The following RSPH9 variants were observed in gnomAD, a reference collection of about 807,000 sequenced individuals.
RSPH9 encodes radial spoke head component 9, also known as radial spoke head protein 9 homolog.
A neutral mutation model predicts 27.0 loss-of-function variants in RSPH9; 27 were observed. The observed-to-expected ratio is 1.00, with a 90% CI of 0.74 to 1.38. The LOEUF (loss-of-function observed/expected upper bound fraction) is 1.38, where lower values mean the gene tolerates loss of function less well. Among genes scored for constraint, RSPH9 ranks in the 40% most tolerant of loss-of-function variants. The pLI is 0.00. For synonymous variants in RSPH9, 145 were observed against 147.7 expected, an observed-to-expected ratio of 0.98 and a Z score of 0.13; for missense variants, 347 against 357.4, an observed-to-expected ratio of 0.97 and a Z score of 0.24.
intron 4 of RSPH9, among the ~76,000 whole-genome samples, chr6:43,659,182 T>C (rs1186651761): frequency 2.0e-5 from 3 of 152,120 alleles, no homozygotes; most frequent in Non-Finnish European, 4.4e-5. Context: ...TCTAGTTCTT[T>C]TTCTTCTTCC....
At chr6:43,662,256 G>C (rs1179590330) in intron 4 of RSPH9, among the ~76,000 whole-genome samples, 1 of 152,196 alleles carries the variant, frequency 6.6e-6, no homozygotes, top group East Asian at 1.9e-4. Flanking sequence ...ATTGAAGAGA[G>C]TTAAGGCCTT....
Position 43,671,794 on chromosome 6 carries a change from A to G in RSPH9, c.*845A>G. 1 of 1,614,234 alleles carries G rather than the reference A, an allele frequency of 6.2e-7. No individual in the cohort carries two copies. Among genetic ancestry groups the G allele is most frequent in the Non-Finnish European group, 8.5e-7 (1 of 1,180,036 alleles). On this transcript the variant is annotated 3_prime_UTR_variant, in exon 5 of 5. Transcript: ENST00000372163. Reference sequence around the variant, plus strand: ...TACAGCTTCCAAGGTGTTCTTGAGTAGCAGACATTGTCCCTCAGAAGGGGT... The same window carrying G: ...TACAGCTTCCAAGGTGTTCTTGAGTGGCAGACATTGTCCCTCAGAAGGGGT...
In RSPH9 at chr6:43,670,833, C is replaced by A; in HGVS notation, c.715C>A (p.Leu239Met). 6.2e-7 allele frequency: 1 copy of A among 1,614,210 alleles called. No homozygotes were observed. Among genetic ancestry groups the A allele is most frequent in the Middle Eastern group, 1.6e-4 (1 of 6,062 alleles). The change falls in exon 5 of 5, where the codon CTG (leucine) becomes ATG (methionine). Residue 239 changes from leucine to methionine, a missense_variant. By Grantham distance (15) the Leu-to-Met change is conservative. Coordinates refer to ENST00000372163, the MANE Select transcript of RSPH9 (RefSeq NM_152732.5). ...QMERGNALVV[L>M]RSLLWPGLTF... Reference sequence around the variant, plus strand: ...GGAGAGGGGCAATGCCCTGGTGGTGCTGCGCAGCCTGCTCTGGCCGGGCCT... The same window carrying A: ...GGAGAGGGGCAATGCCCTGGTGGTGATGCGCAGCCTGCTCTGGCCGGGCCT...
chr6:43,666,561 A>T, intron 4 of RSPH9: 1 of 1,293,870 alleles, frequency 7.7e-7, no homozygotes, highest in Non-Finnish European at 1.1e-6. Context: ...GGCCAAAGTG[A>T]CAAGAGACAC....
chr6:43,652,991 G>A lies in RSPH9; in HGVS notation c.393+2451G>A, dbSNP rs370795136. Among the ~76,000 whole-genome samples the A allele has an allele frequency of 8.0e-5, 12 of 150,752 alleles. No individual in the cohort carries two copies. The South Asian group carries it at 2.5e-3, about 32-fold the overall frequency. The stretch of plus-strand genomic sequence containing the variant: ...ATACCACCATACCTGGCTAATTTTT[G>A]TATTTTTTTGTAGAGATGGGGTCTT... On this transcript the variant is annotated intron_variant, in intron 2 of 4. Transcript: ENST00000372163.
chr6:43,645,543 C>CT (rs1203729250), intron 1 of RSPH9, among the ~76,000 whole-genome samples: 6 of 152,142 alleles, frequency 3.9e-5, no homozygotes, highest in African/African-American at 1.4e-4. Flanking sequence ...GTCTCGGAAT[C>CT]TGAGGCTAGG....
At chr6:43,669,308 A>AG (rs1237347385) in intron 4 of RSPH9, among the ~76,000 whole-genome samples, 2 of 152,232 alleles carry the variant, frequency 1.3e-5, no homozygotes, top group African/African-American at 4.8e-5. Context: ...GAGCAGGACC[A>AG]GGGACAGCCA....
chr6:43,662,582 T>C (rs957062617), intron 4 of RSPH9, among the ~76,000 whole-genome samples: 1 of 151,972 alleles, frequency 6.6e-6, no homozygotes, highest in African/African-American at 2.4e-5. Flanking sequence ...TTAGCCAGGA[T>C]GGTCTCGATC....
intron 4 of RSPH9, among the ~76,000 whole-genome samples, chr6:43,670,134 C>A (rs950928272): frequency 1.3e-5 from 2 of 152,182 alleles, no homozygotes; most frequent in African/African-American, 4.8e-5. Flanking sequence ...GTGGGAGGAG[C>A]TGGTGTCTCC....
intron 4 of RSPH9, among the ~76,000 whole-genome samples, chr6:43,667,951 G>A (rs770924150): frequency 1.4e-4 from 22 of 152,260 alleles, no homozygotes; most frequent in Middle Eastern, 3.4e-3. Context: ...GAGTAAGTAC[G>A]CCCTAGCCTG....
chr6:43,650,407 C>G lies in RSPH9; in HGVS notation c.260C>G (p.Pro87Arg), dbSNP rs774989438. The G allele has an allele frequency of 2.7e-5, 44 of 1,613,626 alleles. 1 individual carries two copies. The highest frequency in any genetic ancestry group is 3.6e-5 in the Non-Finnish European group (43 of 1,179,990). The change falls in exon 2 of 5, where the codon CCT becomes CGT. Residue 87 changes from proline (P) to arginine (R), a missense_variant. Coordinates refer to ENST00000372163, the MANE Select transcript of RSPH9 (RefSeq NM_152732.5). ...LNCTEWSLLP[P>R]ATEEMVAQSS... ...TGCACAGAGTGGAGCCTCTTGCCCC[C>G]TGCCACAGAGGAGATGGTGGCGCAG...
chr6:43,652,577 C>T (rs1650966751), intron 2 of RSPH9, among the ~76,000 whole-genome samples: 3 of 151,828 alleles, frequency 2.0e-5, no homozygotes, highest in Non-Finnish European at 4.4e-5. Flanking sequence ...AGGCACCTGG[C>T]ACCACGCCTG....
chr6:43,669,520 G>A (rs1234137646), intron 4 of RSPH9, among the ~76,000 whole-genome samples: 2 of 152,224 alleles, frequency 1.3e-5, no homozygotes, highest in Non-Finnish European at 2.9e-5. Context: ...GAGGTGGCCC[G>A]TGGGAAGCTG....
At chr6:43,656,516 AGAAAGGGGGCT>A in intron 3 of RSPH9, 50 bp from the exon 4 acceptor site, 1 of 1,601,876 alleles carries the variant, frequency 6.2e-7, no homozygotes, top group Non-Finnish European at 8.6e-7. Context: ...CAGTGCAGAC[AGAAAGGGGGCT>A]GGGGGGTTTT....
In RSPH9 at chr6:43,655,988, A is replaced by ACTTG. The variant is rs745382908; in HGVS notation, c.523+300_523+301insGCTT. On this transcript the variant is annotated intron_variant, in intron 3 of 4. Transcript: ENST00000372163. ...CTTTTCCTATCTCCTTCCTCCTTGG[A>ACTTG]CTTCCTTCCTTCCTTCCTTCCTTCC... Among the ~76,000 whole-genome samples, 138 of 113,678 alleles carry ACTTG rather than the reference A, an allele frequency of 1.2e-3. 2 individuals carry two copies. Among genetic ancestry groups the ACTTG allele is most frequent in the African/African-American group, 4.5e-3 (129 of 28,514 alleles). The allele number at this position is 113,678 out of a possible 152,430, so 74.6% of individuals were successfully genotyped here.
intron 2 of RSPH9, 114 bp downstream of exon 2, chr6:43,650,654 C>T: frequency 8.9e-7 from 1 of 1,121,986 alleles, no homozygotes; most frequent in Non-Finnish European, 1.3e-6. Context: ...CGCCTGTAAT[C>T]TCAGCACTTT....
chr6:43,658,312 A>AAAAAAG (rs1772250565), intron 4 of RSPH9, among the ~76,000 whole-genome samples: 2 of 133,786 alleles, frequency 1.5e-5, no homozygotes, highest in Non-Finnish European at 3.2e-5. Flanking sequence ...AAAAAAAAAG[A>AAAAAAG]AAAAAAAAAA....
intron 1 of RSPH9, 34 bp downstream of exon 1, chr6:43,645,359 GTGGCTA>G: frequency 1.3e-6 from 2 of 1,503,666 alleles, no homozygotes; most frequent in Non-Finnish European, 1.8e-6. Context: ...TCCCCAGAGG[GTGGCTA>G]CCTGGAGGCA....
At chr6:43,645,388 C>CGGGGGGGGGGGGGG in intron 1 of RSPH9, 63 bp downstream of exon 1, 1 of 120,276 alleles carries the variant, frequency 8.3e-6, no homozygotes, top group Non-Finnish European at 1.7e-5. Flanking sequence ...GCGGGGTGGG[C>CGGGGGGGGGGGGGG]GGGTCGCAGC....
Sources: allele counts gnomAD v4.1 joint callset (sites outside exome capture counted in the v4.1 genomes callset), GRCh38; gene constraint gnomAD v4.1.1; transcripts MANE v1.5; gene names NCBI Gene and HGNC (gene_info 2026-07-23, HGNC 2026-07-21).